ING3: variants seen among roughly 807,000 people sequenced by gnomAD.
The protein encoded by ING3 is inhibitor of growth protein 3.
A neutral mutation model predicts 64.8 loss-of-function variants in ING3; 6 were observed. That is an observed-to-expected ratio of 0.09 (90% CI 0.05 to 0.18). The LOEUF is 0.18. Ranked by LOEUF, ING3 falls within the 10% of genes least tolerant of loss-of-function variation. The probability of loss-of-function intolerance (pLI) is 1.00; values close to 1 mark genes in which losing one functional copy is unlikely to be tolerated. For synonymous variants in ING3, 170 were observed against 173.7 expected, an observed-to-expected ratio of 0.98 and a Z score of 0.17; for missense variants, 310 against 489.7, an observed-to-expected ratio of 0.63 and a Z score of 3.46.
Position 120,974,843 on chromosome 7 carries a change from A to G in ING3, c.1256A>G (p.Ter419=). ...AMKRRGSRHK[*] Reference sequence around the variant, plus strand: ...AAGAGAAGAGGCAGCAGACACAAATAAAGGTGGTCCTTTTGTTTGATGAAG... The same window carrying G: ...AAGAGAAGAGGCAGCAGACACAAATGAAGGTGGTCCTTTTGTTTGATGAAG... Residue 419 remains the stop codon, a stop_retained_variant, in exon 12 of 12, where the codon TAA becomes TGA. Coordinates refer to ENST00000315870, the MANE Select transcript of ING3 (RefSeq NM_019071.3). 1 of 1,593,926 alleles carries G rather than the reference A, an allele frequency of 6.3e-7. No individual in the cohort carries two copies. The highest frequency in any genetic ancestry group is 8.6e-7 in the Non-Finnish European group (1 of 1,165,562).
At chr7:120,959,494 C>T (rs977386924) in intron 4 of ING3, among the ~76,000 whole-genome samples, 12 of 152,090 alleles carry the variant, frequency 7.9e-5, no homozygotes, top group South Asian at 4.1e-4. Context: ...AAAGCATCTC[C>T]TTTTTCTTCT....
In ING3 at chr7:120,974,814, A is replaced by G; in HGVS notation, c.1227A>G (p.Ala409=). 1 of 1,611,884 alleles carries G rather than the reference A, an allele frequency of 6.2e-7. No homozygotes were observed. Among genetic ancestry groups the G allele is most frequent in the Non-Finnish European group, 8.5e-7 (1 of 1,178,458 alleles). The change falls in exon 12 of 12, where the codon GCA becomes GCG. Residue 409 remains alanine, a synonymous_variant. Transcript: ENST00000315870. Reference sequence around the variant, plus strand: ...GGTACTGTCCACAGTGCACTGCTGCAATGAAGAGAAGAGGCAGCAGACACA... The same window carrying G: ...GGTACTGTCCACAGTGCACTGCTGCGATGAAGAGAAGAGGCAGCAGACACA... ...GKWYCPQCTA[A]MKRRGSRHK
At chr7:120,955,646 A>T (rs1286450708) in intron 4 of ING3, 22 bp downstream of exon 4, 6 of 1,487,902 alleles carry the variant, frequency 4.0e-6, no homozygotes, top group Non-Finnish European at 5.6e-6. Context: ...TAATGTGCAT[A>T]CTGTGCCATA....
chr7:120,953,447 C>T (rs761294921), intron 3 of ING3, 43 bp downstream of exon 3: 3 of 1,178,712 alleles, frequency 2.5e-6, no homozygotes, highest in Admixed American at 3.9e-5. Flanking sequence ...AATATTGGGA[C>T]CCTCTGAAAA....
At position 120,970,690 on chromosome 7, in the gene ING3, A is replaced by G; in HGVS notation, c.911A>G (p.Asn304Ser). The G allele has an allele frequency of 1.9e-6, 3 of 1,612,928 alleles. No individual in the cohort carries two copies. The highest frequency in any genetic ancestry group is 2.5e-6 in the Non-Finnish European group (3 of 1,179,516). The change falls in exon 10 of 12, where the codon AAC (asparagine) becomes AGC (serine). Residue 304 changes from asparagine (N) to serine (S), a missense_variant and splice_region_variant. This residue lies in a region of ING3 where 233 missense variants were observed against 289.4 expected (regional missense o/e 0.81). Transcript: ENST00000315870. ...ADSRSGRKSKNNNKSSSQQSS... is the reference protein window; with the variant it reads ...ADSRSGRKSKSNNKSSSQQSS... ...AAAACTTATACTATTTTTTTCAGAA[A>G]CAACAACAAGTCTTCAAGCCAGCAG... is the stretch of plus-strand genomic sequence containing the variant.
chr7:120,957,022 C>T (rs1035590835), intron 4 of ING3: 4 of 284,262 alleles, frequency 1.4e-5, no homozygotes, highest in African/African-American at 6.8e-5. Flanking sequence ...CCACACTGTT[C>T]ATCCACTCTG....
Position 120,956,600 on chromosome 7 carries a change from A to G in ING3, c.267+976A>G, listed in dbSNP as rs1020466429. 6 of 989,012 alleles carry G rather than the reference A, an allele frequency of 6.1e-6. No homozygotes were observed. The African/African-American group carries it at 1.0e-4, about 17-fold the overall frequency. The allele number at this position is 989,012 out of a possible 1,614,324, so 61.3% of individuals were successfully genotyped here. A position where few individuals can be genotyped will look rare whatever the true frequency, so the allele number is the denominator to read the frequency against. On this transcript the variant is annotated intron_variant, in intron 4 of 11. Transcript: ENST00000315870. The stretch of plus-strand genomic sequence containing the variant: ...GCTAACAACCTGGGCTCTTTTGTTC[A>G]TAGAGTTATTCTGAAAAAAATTTCA...
At chr7:120,966,169 C>G (rs1234663172) in intron 5 of ING3, among the ~76,000 whole-genome samples, 1 of 152,122 alleles carries the variant, frequency 6.6e-6, no homozygotes, top group Admixed American at 6.6e-5. Flanking sequence ...TTTAGGAAGT[C>G]TTTATTATCA....
intron 2 of ING3, among the ~76,000 whole-genome samples, chr7:120,951,513 CAT>C (rs1372572366): frequency 6.6e-6 from 1 of 152,236 alleles, no homozygotes; most frequent in Non-Finnish European, 1.5e-5. Context: ...CCGTCATTGA[CAT>C]AGTTATCTAT....
At position 120,964,278 on chromosome 7, in the gene ING3, C is replaced by T. The variant is rs1310773927; in HGVS notation, c.268-464C>T. The stretch of plus-strand genomic sequence containing the variant: ...ATAGATGTATAGAATATAGGAACTT[C>T]TTTGTAGACTGAGGATCTTTCATCA... On this transcript the variant is annotated intron_variant, in intron 4 of 11. Coordinates refer to ENST00000315870, the MANE Select transcript of ING3 (RefSeq NM_019071.3). 2.6e-5 allele frequency among the ~76,000 whole-genome samples: 4 copies of T among 152,212 alleles called. No homozygotes were observed. In the East Asian group the frequency reaches 7.7e-4, roughly 29 times the overall value.
intron 5 of ING3, 88 bp from the exon 6 acceptor site, chr7:120,966,538 A>C: frequency 1.0e-6 from 1 of 962,786 alleles, no homozygotes; most frequent in South Asian, 1.3e-5. Flanking sequence ...CTGCTGGGTA[A>C]GGGAACTCAT....
chr7:120,956,871 ATTCTT>A (rs1795856378), intron 4 of ING3: 22 of 890,098 alleles, frequency 2.5e-5, no homozygotes, highest in Non-Finnish European at 3.0e-5. Flanking sequence ...CTTTGGTTCT[ATTCTT>A]TGTTTTGTTT....
rs1420424532 is a variant in ING3 at position 120,958,983 on chromosome 7, G to C, written c.267+3359G>C. Reference sequence around the variant, plus strand: ...TCTTTATTGCTAAATTCATCAGACAGCTTCAATTCTTTTTAACTGACCCTA... The same window carrying C: ...TCTTTATTGCTAAATTCATCAGACACCTTCAATTCTTTTTAACTGACCCTA... On this transcript the variant is annotated intron_variant, in intron 4 of 11. Transcript: ENST00000315870. 3.9e-5 allele frequency among the ~76,000 whole-genome samples: 6 copies of C among 152,220 alleles called. No homozygotes were observed. The East Asian group carries it at 1.2e-3, about 29-fold the overall frequency.
chr7:120,966,526 C>T, intron 5 of ING3, 100 bp from the exon 6 acceptor site: 1 of 892,484 alleles, frequency 1.1e-6, no homozygotes, highest in Non-Finnish European at 1.9e-6. Flanking sequence ...CTTGCTAGTC[C>T]TCTGCTGGGT....
chr7:120,950,788 C>A lies in ING3; in HGVS notation c.-109C>A. On this transcript the variant is annotated 5_prime_UTR_variant, in exon 1 of 12. Coordinates refer to ENST00000315870, the MANE Select transcript of ING3 (RefSeq NM_019071.3). ...TTTTTTTTTTTTTGCCGGAGTCGAGCGGGTGCTGCTAGCGGAGGCGCCATA... is the reference window on the plus strand; with the variant it reads ...TTTTTTTTTTTTTGCCGGAGTCGAGAGGGTGCTGCTAGCGGAGGCGCCATA... 1.8e-6 allele frequency: 1 copy of A among 543,150 alleles called. No homozygotes were observed. The highest frequency in any genetic ancestry group is 2.7e-5 in the South Asian group (1 of 36,552). The allele number at this position is 543,150 out of a possible 1,614,324, so 33.6% of individuals were successfully genotyped here. A position where few individuals can be genotyped will look rare whatever the true frequency, so the allele number is the denominator to read the frequency against.
Position 120,963,477 on chromosome 7 carries a change from A to G in ING3, c.268-1265A>G, listed in dbSNP as rs183405042. 3.3e-4 allele frequency among the ~76,000 whole-genome samples: 50 copies of G among 152,286 alleles called. No homozygotes were observed. In the East Asian group the frequency reaches 7.3e-3, roughly 22 times the overall value. On this transcript the variant is annotated intron_variant, in intron 4 of 11. Coordinates refer to ENST00000315870, the MANE Select transcript of ING3 (RefSeq NM_019071.3). ...AAACAGTTGTTTTCTGCATGCAGAA[A>G]GTTCAGAGGTCAATGTCAGGTAAAT...
chr7:120,957,519 G>T (rs73221221), intron 4 of ING3, among the ~76,000 whole-genome samples: 7 of 152,290 alleles, frequency 4.6e-5, no homozygotes, highest in Non-Finnish European at 8.8e-5. Flanking sequence ...ATATTAAGGG[G>T]TGTCTACTGA....
rs142702061 is a variant in ING3, at chr7:120,961,463, A to T, written c.268-3279A>T. Among the ~76,000 whole-genome samples, 176 of 152,324 alleles carry T rather than the reference A, an allele frequency of 1.2e-3. 1 individual carries two copies. Among genetic ancestry groups the T allele is most frequent in the African/African-American group, 4.1e-3 (170 of 41,580 alleles). On this transcript the variant is annotated intron_variant, in intron 4 of 11. Transcript: ENST00000315870. ...CATCTAAATTTTATAAATTGATTGTATTGGAAGCAGTAGATCATGTAGAGA... is the reference window on the plus strand; with the variant it reads ...CATCTAAATTTTATAAATTGATTGTTTTGGAAGCAGTAGATCATGTAGAGA...
intron 3 of ING3, among the ~76,000 whole-genome samples, chr7:120,954,319 G>A (rs866374790): frequency 6.6e-6 from 1 of 151,908 alleles, no homozygotes; most frequent in Admixed American, 6.6e-5. Context: ...CCAGCTACTC[G>A]AGAGACTGAG....
Sources: gnomAD v4.1 joint callset for allele counts (sites outside exome capture counted in the v4.1 genomes callset) on GRCh38, gnomAD v4.1.1 for gene constraint, gnomAD v4.1.1 regional missense constraint, MANE v1.5 for transcripts, NCBI Gene and HGNC (gene_info 2026-07-23, HGNC 2026-07-21) for gene names.